The following ECE1 variants were observed in gnomAD, a reference collection of about 807,000 sequenced individuals.
The protein encoded by ECE1 is endothelin-converting enzyme 1.
In ECE1, 35 loss-of-function variants were observed where a neutral mutation model predicts 98.6. That is an observed-to-expected ratio of 0.35 (90% CI 0.27 to 0.47). ECE1 has a LOEUF of 0.47. Ranked by LOEUF, ECE1 falls within the 20% of genes least tolerant of loss-of-function variation. The pLI is 1.00. For missense variants in ECE1, 814 were observed against 1,025.3 expected, an observed-to-expected ratio of 0.79 and a Z score of 2.81; for synonymous variants, 394 against 407.1, an observed-to-expected ratio of 0.97 and a Z score of 0.39.
rs201568521 is a variant in ECE1, at chr1:21,290,122, T to G, written c.86A>C (p.Glu29Ala). ...STYKRATLDE[E>A]DLVDSLSEGD... ...CTCGGAGAGCGAGTCCACCAGGTCCTCCTCGTCCAGCGTGGCCCGCTTGTA... is the reference window on the plus strand; with the variant it reads ...CTCGGAGAGCGAGTCCACCAGGTCCGCCTCGTCCAGCGTGGCCCGCTTGTA... The change falls in exon 2 of 19, where the codon GAG (glutamate) becomes GCG (alanine). Residue 29 changes from glutamate (E) to alanine (A), a missense_variant. Coordinates refer to ENST00000374893, the MANE Select transcript of ECE1 (RefSeq NM_001397.3). This position sits in a 1 kb window ranked among gnomAD's most constrained non-coding sequence, Gnocchi z 7.3. 1.3e-5 allele frequency: 20 copies of G among 1,560,760 alleles called. No individual in the cohort carries two copies. Among genetic ancestry groups the G allele is most frequent in the Non-Finnish European group, 1.7e-5 (20 of 1,154,670 alleles).
chr1:21,302,022 G>T (rs1034522915), intron 1 of ECE1, among the ~76,000 whole-genome samples: 1 of 152,044 alleles, frequency 6.6e-6, no homozygotes, highest in South Asian at 2.1e-4. Flanking sequence ...GGCTCACTAG[G>T]CTCCCCTGAT....
chr1:21,316,943 C>T (rs1638843858), intron 1 of ECE1, among the ~76,000 whole-genome samples: 2 of 152,058 alleles, frequency 1.3e-5, no homozygotes, highest in Non-Finnish European at 2.9e-5. Context: ...AATCCCAGCA[C>T]TTTGGGAGGC....
chr1:21,234,655 T>A (rs772992935), intron 13 of ECE1, among the ~76,000 whole-genome samples: 1 of 152,118 alleles, frequency 6.6e-6, no homozygotes, highest in Non-Finnish European at 1.5e-5. Flanking sequence ...ATCTTTACAT[T>A]TTTTGTAGAG....
chr1:21,237,723 C>T (rs1050377592), intron 11 of ECE1, among the ~76,000 whole-genome samples: 1 of 152,202 alleles, frequency 6.6e-6, no homozygotes. Context: ...TGAGCTTAGG[C>T]CGGGCTGTCT....
chr1:21,271,856 C>T (rs565348502), intron 4 of ECE1, among the ~76,000 whole-genome samples: 4 of 152,164 alleles, frequency 2.6e-5, no homozygotes, highest in African/African-American at 9.6e-5. Context: ...AGCCCGATCA[C>T]CGTGAGGCTA....
intron 1 of ECE1, among the ~76,000 whole-genome samples, chr1:21,314,077 T>G (rs1334778138): frequency 1.3e-5 from 2 of 152,242 alleles, no homozygotes; most frequent in Non-Finnish European, 2.9e-5. Context: ...GGTTCCGTGC[T>G]AAGCACTTTA....
rs150435008 is a variant in ECE1, at chr1:21,236,912, G to A, written c.1390-68C>T. 48 of 1,384,312 alleles carry A rather than the reference G, an allele frequency of 3.5e-5. 1 individual carries two copies. Among genetic ancestry groups the A allele is most frequent in the South Asian group, 3.1e-4 (27 of 86,684 alleles). The allele number at this position is 1,384,312 out of a possible 1,614,324, so 85.8% of individuals were successfully genotyped here. ...CTCAGGTAAATGCAACAGGCACCCC[G>A]TGCAGAACAATGATGGCCAGAGATT... On this transcript the variant is annotated intron_variant, in intron 11 of 18. Transcript: ENST00000374893.
At chr1:21,224,082 C>T (rs1333761458) in intron 17 of ECE1, among the ~76,000 whole-genome samples, 2 of 152,170 alleles carry the variant, frequency 1.3e-5, no homozygotes, top group African/African-American at 4.8e-5. Flanking sequence ...CATCCTTGGA[C>T]GTGCCAGGCT....
chr1:21,335,141 T>A (rs770695125), intron 1 of ECE1, among the ~76,000 whole-genome samples: 21 of 152,086 alleles, frequency 1.4e-4, no homozygotes, highest in Non-Finnish European at 2.5e-4. Context: ...CCAAACTTGC[T>A]GTTCCGGCAG....
rs115129752 is a variant in ECE1 at position 21,280,768 on chromosome 1, G to A, written c.139-1436C>T. ...GGGATCTGAAGTGGGTCAGTTGAGG[G>A]AAGGGTACTGAGAAGCCACGTGGCC... is the stretch of plus-strand genomic sequence containing the variant. On this transcript the variant is annotated intron_variant, in intron 2 of 18. Coordinates refer to ENST00000374893, the MANE Select transcript of ECE1 (RefSeq NM_001397.3). 6.9e-3 allele frequency among the ~76,000 whole-genome samples: 1,048 copies of A among 152,300 alleles called. 7 individuals are homozygous for A. The highest frequency in any genetic ancestry group is 0.011 in the Non-Finnish European group (765 of 68,020).
At chr1:21,248,865 T>G (rs1164698109) in intron 8 of ECE1, among the ~76,000 whole-genome samples, 1 of 151,376 alleles carries the variant, frequency 6.6e-6, no homozygotes, top group African/African-American at 2.4e-5. Flanking sequence ...CCTCATGATC[T>G]GCCTGCCTCG....
At position 21,240,757 on chromosome 1, in the gene ECE1, G is replaced by A. The variant is rs138829269; in HGVS notation, c.1279-2513C>T. Among the ~76,000 whole-genome samples the A allele has an allele frequency of 4.1e-3, 630 of 152,302 alleles. 4 individuals are homozygous for A. Among genetic ancestry groups the A allele is most frequent in the Non-Finnish European group, 6.8e-3 (463 of 68,028 alleles). ...ACATGGTCTGTGTCTGGCCGAGGCC[G>A]ACCACACAGGATGTCAGGACGAGGG... On this transcript the variant is annotated intron_variant, in intron 10 of 18. Transcript: ENST00000374893.
intron 7 of ECE1, 28 bp downstream of exon 7, chr1:21,257,497 C>T (rs1462087193): frequency 6.2e-7 from 1 of 1,613,320 alleles, no homozygotes; most frequent in Admixed American, 1.7e-5. Flanking sequence ...TGCTGGGAGG[C>T]AGGCTGGGAG....
At chr1:21,326,611 A>G (rs1238081946) in intron 1 of ECE1, among the ~76,000 whole-genome samples, 1 of 151,694 alleles carries the variant, frequency 6.6e-6, no homozygotes, top group South Asian at 2.1e-4. Flanking sequence ...TAGGGGGGTT[A>G]TATTTCTGGT....
Position 21,225,537 on chromosome 1 carries a change from C to T in ECE1, c.1850-97G>A. 2 of 1,407,276 alleles carry T rather than the reference C, an allele frequency of 1.4e-6. No homozygotes were observed. Among genetic ancestry groups the T allele is most frequent in the African/African-American group, 2.8e-5 (2 of 70,664 alleles). 87.2% of individuals were successfully genotyped at this position (1,407,276 alleles called of 1,614,324 possible). ...CCTGGTGAGAAGCGGTTCATCCGTC[C>T]ACCCCCGTCCTCCAGCCACCATGGG... is the stretch of plus-strand genomic sequence containing the variant. On this transcript the variant is annotated intron_variant, in intron 16 of 18. Transcript: ENST00000374893. This position sits in a 1 kb window ranked among gnomAD's most constrained non-coding sequence, Gnocchi z 5.3.
At chr1:21,270,137 C>T (rs2098238614) in intron 4 of ECE1, among the ~76,000 whole-genome samples, 1 of 152,250 alleles carries the variant, frequency 6.6e-6, no homozygotes, top group Non-Finnish European at 1.5e-5. Context: ...CCTCTAAATG[C>T]TAACTGCTCC....
chr1:21,298,497 G>A (rs949211422), intron 1 of ECE1: 17 of 327,566 alleles, frequency 5.2e-5, no homozygotes, highest in Admixed American at 1.5e-4. Context: ...GATGATCATG[G>A]TGCCGACCCC....
At chr1:21,339,891 C>A in intron 1 of ECE1, among the ~76,000 whole-genome samples, 1 of 152,182 alleles carries the variant, frequency 6.6e-6, no homozygotes, top group Non-Finnish European at 1.5e-5. Flanking sequence ...CTCAGGGGCC[C>A]AAGGAAAGGG....
In ECE1 at chr1:21,312,822, T is replaced by G. The variant is rs569126122; in HGVS notation, c.4-22666A>C. On this transcript the variant is annotated intron_variant, in intron 1 of 18. Transcript: ENST00000415912. ...TGATATGACCTCCCTGTGCCTTGGT[T>G]TATCATTAAAAAAACAAAGCTAATA... Among the ~76,000 whole-genome samples the G allele has an allele frequency of 2.6e-5, 4 of 152,150 alleles. No individual in the cohort carries two copies. In the East Asian group the frequency reaches 7.7e-4, roughly 29 times the overall value.
Sources: allele counts gnomAD v4.1 joint callset (sites outside exome capture counted in the v4.1 genomes callset), GRCh38; gene constraint gnomAD v4.1.1; non-coding constraint Gnocchi (gnomAD v3.1); transcripts MANE v1.5; gene names NCBI Gene and HGNC (gene_info 2026-07-23, HGNC 2026-07-21).